The following NYAP2 variants were observed in gnomAD, a reference collection of about 807,000 sequenced individuals.
The protein encoded by NYAP2 is neuronal tyrosine-phosphorylated phosphoinositide-3-kinase adapter 2.
NYAP2 carries 23 observed loss-of-function variants against 50.4 expected under a neutral mutation model. That is an observed-to-expected ratio of 0.46 (90% CI 0.33 to 0.65). The LOEUF (loss-of-function observed/expected upper bound fraction) is 0.65. Among genes scored for constraint, NYAP2 ranks in the 30% least tolerant of loss-of-function variants. The pLI, the probability that NYAP2 is intolerant of heterozygous loss-of-function variation, is 0.02. For synonymous variants in NYAP2, 394 were observed against 365.2 expected (o/e 1.08, Z -0.90); for missense variants, 885 against 861.0 (o/e 1.03, Z -0.35).
At chr2:225,605,072 T>C (rs1414053881) in intron 5 of NYAP2, among the ~76,000 whole-genome samples, 2 of 152,116 alleles carry the variant, frequency 1.3e-5, no homozygotes, top group East Asian at 1.9e-4. Context: ...GGTGTTTGCT[T>C]CAGAAACATT....
At chr2:225,566,517 A>T (rs1691966097) in intron 4 of NYAP2, among the ~76,000 whole-genome samples, 2 of 152,226 alleles carry the variant, frequency 1.3e-5, no homozygotes, top group Non-Finnish European at 2.9e-5. Flanking sequence ...TTTCTTTAAG[A>T]TAATATCCCC....
chr2:225,419,797 A>G (rs921531016), intron 3 of NYAP2, among the ~76,000 whole-genome samples: 5 of 152,154 alleles, frequency 3.3e-5, no homozygotes, highest in Admixed American at 1.3e-4. Context: ...ATCACATGGC[A>G]CCATGTCTAC....
Position 225,433,816 on chromosome 2 carries a change from C to CAAAAAAAAA in NYAP2, c.221+24731_221+24739dup, listed in dbSNP as rs35886164. ...TGGGCGACAGAGCGAGACTCCGTCT[C>CAAAAAAAAA]AAAAAAAAAAAAAAAAAAAAAAAAG... On this transcript the variant is annotated intron_variant, in intron 3 of 6. Transcript: ENST00000636099. 6.4e-5 allele frequency among the ~76,000 whole-genome samples: 4 copies of CAAAAAAAAA among 62,484 alleles called. 1 individual carries two copies. Among genetic ancestry groups the CAAAAAAAAA allele is most frequent in the Non-Finnish European group, 7.8e-5 (3 of 38,542 alleles). The allele number at this position is 62,484 out of a possible 152,430, so 41.0% of individuals were successfully genotyped here. A position where few individuals can be genotyped will look rare whatever the true frequency, so the allele number is the denominator to read the frequency against.
rs766421405 is a variant in NYAP2, at chr2:225,453,834, ATTTTTT to A, written c.221+44750_221+44755del. ...AGGTGCCCTCCACCACGCCCGGCTA[ATTTTTT>A]TTTTTTTTTTTTTTTTAGTAGAGAC... On this transcript the variant is annotated intron_variant, in intron 3 of 6. Transcript: ENST00000636099. Among the ~76,000 whole-genome samples, 13 of 126,594 alleles carry A rather than the reference ATTTTTT, an allele frequency of 1.0e-4. No homozygotes were observed. The South Asian group carries it at 3.3e-3, about 32-fold the overall frequency. The allele number at this position is 126,594 out of a possible 152,430, so 83.1% of individuals were successfully genotyped here. A position where few individuals can be genotyped will look rare whatever the true frequency, so the allele number is the denominator to read the frequency against.
At chr2:225,510,957 T>C (rs1690802827) in intron 3 of NYAP2, among the ~76,000 whole-genome samples, 1 of 152,190 alleles carries the variant, frequency 6.6e-6, no homozygotes, top group Admixed American at 6.5e-5. Context: ...AAATTGCTGA[T>C]AGAATTATTT....
intron 4 of NYAP2, among the ~76,000 whole-genome samples, chr2:225,518,901 CCAGCTACT>C (rs1229351601): frequency 2.0e-5 from 3 of 151,696 alleles, no homozygotes; most frequent in Non-Finnish European, 2.9e-5. Flanking sequence ...GCCTGTAATC[CCAGCTACT>C]CAGAAAGCTG....
chr2:225,494,685 A>G (rs1266176266), intron 3 of NYAP2, among the ~76,000 whole-genome samples: 1 of 152,198 alleles, frequency 6.6e-6, no homozygotes, highest in African/African-American at 2.4e-5. Flanking sequence ...GTATTTTTAT[A>G]ATTTTTCTAA....
chr2:225,655,907 C>CACACACACACACACAT (rs1693814432), downstream of NYAP2, among the ~76,000 whole-genome samples: 1 of 144,738 alleles, frequency 6.9e-6, no homozygotes, highest in African/African-American at 2.6e-5. Context: ...CACACACACA[C>CACACACACACACACAT]ACACACACAC....
At position 225,610,687 on chromosome 2, in the gene NYAP2, A is replaced by G. The variant is rs540140309; in HGVS notation, c.1619-16230A>G. On this transcript the variant is annotated intron_variant, in intron 5 of 6. Transcript: ENST00000636099. The stretch of plus-strand genomic sequence containing the variant: ...GCCCCATCTCTGCCAGCAACAGGCT[A>G]TCAGTAGGCCATACATTCATAGTTT... Among the ~76,000 whole-genome samples the G allele has an allele frequency of 7.2e-5, 11 of 152,310 alleles. No individual in the cohort carries two copies. The East Asian group carries it at 2.1e-3, about 29-fold the overall frequency.
chr2:225,631,053 A>G (rs1693305464), intron 6 of NYAP2, among the ~76,000 whole-genome samples: 1 of 152,240 alleles, frequency 6.6e-6, no homozygotes, highest in Admixed American at 6.5e-5. Flanking sequence ...AGTCTAAACT[A>G]GGAGAGCAGG....
chr2:225,471,650 G>A (rs548746332), intron 3 of NYAP2, among the ~76,000 whole-genome samples: 3 of 152,310 alleles, frequency 2.0e-5, no homozygotes, highest in African/African-American at 7.2e-5. Flanking sequence ...TAAGTCGCTG[G>A]TCTTAGATAA....
the NYAP2 span, among the ~76,000 whole-genome samples, chr2:225,670,457 C>A: frequency 6.6e-6 from 1 of 151,926 alleles, no homozygotes; most frequent in Non-Finnish European, 1.5e-5. Flanking sequence ...AGTCTTTAGG[C>A]CATTTCAATG....
the NYAP2 span, among the ~76,000 whole-genome samples, chr2:225,671,647 G>A: frequency 6.6e-6 from 1 of 152,228 alleles, no homozygotes; most frequent in South Asian, 2.1e-4. Context: ...CTAGAGTGGT[G>A]AATCCTTTCC....
At chr2:225,614,292 CA>C (rs1692948222) in intron 5 of NYAP2, among the ~76,000 whole-genome samples, 1 of 152,094 alleles carries the variant, frequency 6.6e-6, no homozygotes, top group Non-Finnish European at 1.5e-5. Context: ...TATTTATGAA[CA>C]TTTTAAAATA....
chr2:225,614,633 G>C lies in NYAP2; in HGVS notation c.1619-12284G>C, dbSNP rs1692955636. Among the ~76,000 whole-genome samples the C allele has an allele frequency of 2.0e-5, 3 of 152,118 alleles. No homozygotes were observed. The South Asian group carries it at 6.2e-4, about 31-fold the overall frequency. On this transcript the variant is annotated intron_variant, in intron 5 of 6. Transcript: ENST00000636099. ...GTCAACCTAATTTCTCTATCTCTTA[G>C]TTTTTCTGTCAGTATACCAATAAAA...
intron 3 of NYAP2, among the ~76,000 whole-genome samples, chr2:225,499,319 CTT>C (rs764490641): frequency 5.0e-4 from 71 of 142,762 alleles, no homozygotes; most frequent in Non-Finnish European, 5.6e-4. Flanking sequence ...GAAAAGGTTA[CTT>C]TTTTTTTTTT....
rs58633886 is a variant in NYAP2 at position 225,446,246 on chromosome 2, CTATATA to C, written c.221+37175_221+37180del. On this transcript the variant is annotated intron_variant, in intron 3 of 6. Coordinates refer to ENST00000636099, the Ensembl canonical transcript of NYAP2. Reference sequence around the variant, plus strand: ...TCTCTCTCTCTCTCTCTCTCTCTCTCTATATATATATATATATATATATATATATAT... The same window carrying C: ...TCTCTCTCTCTCTCTCTCTCTCTCTCTATATATATATATATATATATATAT... Among the ~76,000 whole-genome samples, 607 of 82,014 alleles carry C rather than the reference CTATATA, an allele frequency of 7.4e-3. 4 individuals are homozygous for C. The highest frequency in any genetic ancestry group is 0.017 in the African/African-American group (287 of 16,932). 53.8% of individuals were successfully genotyped at this position (82,014 alleles called of 152,430 possible). A position where few individuals can be genotyped will look rare whatever the true frequency, so the allele number is the denominator to read the frequency against.
At chr2:225,489,652 T>G (rs1056151324) in intron 3 of NYAP2, among the ~76,000 whole-genome samples, 1 of 152,172 alleles carries the variant, frequency 6.6e-6, no homozygotes, top group African/African-American at 2.4e-5. Flanking sequence ...AATACCCAAC[T>G]TTCTCTAGTA....
At chr2:225,667,585 G>T in the NYAP2 span, among the ~76,000 whole-genome samples, 1 of 152,110 alleles carries the variant, frequency 6.6e-6, no homozygotes, top group Non-Finnish European at 1.5e-5. Flanking sequence ...ACAGAAATTT[G>T]CTAAGGAGCT....
Sources: allele counts gnomAD v4.1 joint callset (sites outside exome capture counted in the v4.1 genomes callset), GRCh38; gene constraint gnomAD v4.1.1; transcripts MANE v1.5; gene names NCBI Gene and HGNC (gene_info 2026-07-23, HGNC 2026-07-21).